ANKRD55: variants seen among roughly 807,000 people sequenced by gnomAD.
The protein encoded by ANKRD55 is ankyrin repeat domain 55.
ANKRD55 carries 41 observed loss-of-function variants against 60.6 expected under a neutral mutation model. The observed-to-expected ratio is 0.68, with a 90% CI of 0.53 to 0.88. The LOEUF (loss-of-function observed/expected upper bound fraction) is 0.88, where lower values mean the gene tolerates loss of function less well. ANKRD55 is among the 40% of genes least tolerant of loss of function. The pLI is 0.00. For missense variants in ANKRD55, 732 were observed against 767.6 expected (o/e 0.95, Z 0.55); for synonymous variants, 264 against 290.3 (o/e 0.91, Z 0.92).
chr5:56,113,354 GA>G (rs954375812), intron 9 of ANKRD55, among the ~76,000 whole-genome samples: 7 of 150,986 alleles, frequency 4.6e-5, no homozygotes, highest in African/African-American at 9.7e-5. Context: ...TGTACTTGCA[GA>G]AAAAAAAAGT....
chr5:56,111,890 A>G, intron 9 of ANKRD55, 108 bp from the exon 10 acceptor site: 2 of 1,114,398 alleles, frequency 1.8e-6, no homozygotes, highest in Non-Finnish European at 1.2e-6. Context: ...GTTTTCTGAG[A>G]TCCTTCCTAG....
chr5:56,214,383 G>A (rs938919060), intron 2 of ANKRD55, among the ~76,000 whole-genome samples: 6 of 152,120 alleles, frequency 3.9e-5, no homozygotes, highest in African/African-American at 7.2e-5. Flanking sequence ...CTGTGGGCCC[G>A]GCGTGGTGCC....
At chr5:56,144,227 A>G (rs913845451) in intron 6 of ANKRD55, among the ~76,000 whole-genome samples, 1 of 152,224 alleles carries the variant, frequency 6.6e-6, no homozygotes, top group African/African-American at 2.4e-5. Flanking sequence ...AAACATGTCA[A>G]ACAATCTTCC....
intron 7 of ANKRD55, among the ~76,000 whole-genome samples, chr5:56,128,443 C>G (rs1757331912): frequency 6.6e-6 from 1 of 152,190 alleles, no homozygotes; most frequent in African/African-American, 2.4e-5. Flanking sequence ...TCCCAGGCAG[C>G]AGGTCTCTTG....
At chr5:56,125,293 T>A (rs1757211380) in intron 8 of ANKRD55, among the ~76,000 whole-genome samples, 4 of 151,922 alleles carry the variant, frequency 2.6e-5, no homozygotes, top group African/African-American at 7.3e-5. Context: ...CTTTTTTTTT[T>A]TCAGACAGAG....
intron 5 of ANKRD55, among the ~76,000 whole-genome samples, chr5:56,166,135 T>TTTC (rs1758460328): frequency 2.0e-5 from 2 of 101,194 alleles, no homozygotes; most frequent in African/African-American, 1.1e-4. Context: ...TCTTTCTTTC[T>TTTC]TTCTTTCTTT....
At position 56,099,985 on chromosome 5, in the gene ANKRD55, A is replaced by T; in HGVS notation, c.*198T>A. Reference sequence around the variant, plus strand: ...GGAAGTCACAGAAATTCACAGACTTAATATGCACACCCAAATATTCTAAGT... The same window carrying T: ...GGAAGTCACAGAAATTCACAGACTTTATATGCACACCCAAATATTCTAAGT... On this transcript the variant is annotated 3_prime_UTR_variant, in exon 12 of 12. Transcript: ENST00000341048. 1 of 644,766 alleles carries T rather than the reference A, an allele frequency of 1.6e-6. No individual in the cohort carries two copies. The highest frequency in any genetic ancestry group is 2.6e-6 in the Non-Finnish European group (1 of 389,304). The allele number at this position is 644,766 out of a possible 1,614,324, so 39.9% of individuals were successfully genotyped here.
At chr5:56,109,115 G>C (rs907921448) in intron 10 of ANKRD55, among the ~76,000 whole-genome samples, 3 of 151,062 alleles carry the variant, frequency 2.0e-5, no homozygotes, top group Admixed American at 6.6e-5. Context: ...TTGCTGTCTT[G>C]GTCTTTCATT....
intron 2 of ANKRD55, among the ~76,000 whole-genome samples, chr5:56,207,436 T>G (rs527759069): frequency 7.9e-5 from 12 of 152,326 alleles, no homozygotes; most frequent in African/African-American, 2.4e-4. Context: ...CATAAGTCAC[T>G]TAATGCCAGG....
rs151277535 is a variant in ANKRD55 at position 56,111,212 on chromosome 5, A to G, written c.1536T>C (p.Ser512=). The change falls in exon 10 of 12, where the codon TCT becomes TCC. Residue 512 remains serine (S), a synonymous_variant. Transcript: ENST00000341048. ...TGAGCAATCTGTCCAGCAGCTTATC[A>G]GAAGAAGACACAGTCCAAACTTTGT... is the stretch of plus-strand genomic sequence containing the variant. ...FSYKVWTVSS[S]DKLLDRLLSV... is the part of the protein sequence containing the mutation. 4.8e-5 allele frequency: 77 copies of G among 1,614,220 alleles called. No homozygotes were observed. The African/African-American group carries it at 1.0e-3, about 21-fold the overall frequency.
intron 7 of ANKRD55, among the ~76,000 whole-genome samples, chr5:56,142,619 G>T (rs866420274): frequency 6.6e-6 from 1 of 152,160 alleles, no homozygotes; most frequent in Non-Finnish European, 1.5e-5. Context: ...CCTGCTTCTG[G>T]TGCCACTTTC....
intron 2 of ANKRD55, chr5:56,193,016 C>T: frequency 3.0e-6 from 3 of 983,760 alleles, no homozygotes; most frequent in East Asian, 6.6e-5. Flanking sequence ...TGTTCATGAA[C>T]ATCATTTAGA....
intron 2 of ANKRD55, among the ~76,000 whole-genome samples, chr5:56,200,267 AG>A (rs1391613268): frequency 6.6e-6 from 1 of 152,198 alleles, no homozygotes; most frequent in East Asian, 1.9e-4. Context: ...AAAAGAAAAA[AG>A]TATGTATTTT....
intron 2 of ANKRD55, among the ~76,000 whole-genome samples, chr5:56,202,804 C>T (rs967502127): frequency 6.6e-6 from 1 of 152,132 alleles, no homozygotes; most frequent in Non-Finnish European, 1.5e-5. Flanking sequence ...TCTCTGTGCT[C>T]TTGCGGGGGT....
Position 56,230,528 on chromosome 5 carries a change from G to A in ANKRD55, c.58+2328C>T, listed in dbSNP as rs116674854. On this transcript the variant is annotated intron_variant, in intron 2 of 11. Coordinates refer to ENST00000341048, the MANE Select transcript of ANKRD55 (RefSeq NM_024669.3). ...AGGGTTCACTTATCCAGACAGTAACGATTCATGAAAAACCCTCAACTAAAG... is the reference window on the plus strand; with the variant it reads ...AGGGTTCACTTATCCAGACAGTAACAATTCATGAAAAACCCTCAACTAAAG... Among the ~76,000 whole-genome samples, 1,353 of 152,198 alleles carry A rather than the reference G, an allele frequency of 8.9e-3. 16 individuals carry two copies. Among genetic ancestry groups the A allele is most frequent in the African/African-American group, 0.031 (1,288 of 41,516 alleles).
intron 2 of ANKRD55, among the ~76,000 whole-genome samples, chr5:56,202,449 G>A (rs1370271409): frequency 6.6e-6 from 1 of 152,162 alleles, no homozygotes; most frequent in Non-Finnish European, 1.5e-5. Flanking sequence ...AATTTTGTGA[G>A]CAGAAACATT....
rs201467096 is a variant in ANKRD55, at chr5:56,135,211, TTTCCTTCCTTCCTTCCTTCCTTCCTTCC to T, written c.613-8133_613-8106del. ...GAAGAAGGTAAAAATGTCTCACAAC[TTTCCTTCCTTCCTTCCTTCCTTCCTTCC>T]TTCCTTCCTTCCTTCCTTCCTTCTT... On this transcript the variant is annotated intron_variant, in intron 7 of 11. Coordinates refer to ENST00000341048, the MANE Select transcript of ANKRD55 (RefSeq NM_024669.3). Among the ~76,000 whole-genome samples, 13 of 118,454 alleles carry T rather than the reference TTTCCTTCCTTCCTTCCTTCCTTCCTTCC, an allele frequency of 1.1e-4. No individual in the cohort carries two copies. The East Asian group carries it at 1.3e-3, about 12-fold the overall frequency. The allele number at this position is 118,454 out of a possible 152,430, so 77.7% of individuals were successfully genotyped here.
At chr5:56,218,960 T>G (rs949129274) in intron 2 of ANKRD55, among the ~76,000 whole-genome samples, 1 of 152,114 alleles carries the variant, frequency 6.6e-6, no homozygotes, top group Non-Finnish European at 1.5e-5. Context: ...ACAACATATC[T>G]GTAAGTTTGA....
intron 2 of ANKRD55, among the ~76,000 whole-genome samples, chr5:56,196,321 AGCTATT>A (rs1445625758): frequency 2.0e-5 from 3 of 152,240 alleles, no homozygotes; most frequent in African/African-American, 7.2e-5. Flanking sequence ...CTTGGAGTGT[AGCTATT>A]GCATTTAAGT....
Sources: gnomAD v4.1 joint callset for allele counts (sites outside exome capture counted in the v4.1 genomes callset) on GRCh38, gnomAD v4.1.1 for gene constraint, MANE v1.5 for transcripts, NCBI Gene and HGNC (gene_info 2026-07-23, HGNC 2026-07-21) for gene names.